GABBR2: variants seen among roughly 807,000 people sequenced by gnomAD.
GABBR2 encodes gamma-aminobutyric acid type B receptor subunit 2.
In GABBR2, 23 loss-of-function variants were observed where a neutral mutation model predicts 105.6. The ratio of observed to expected loss-of-function variants is 0.22; its 90% CI spans 0.16 to 0.31. The LOEUF (loss-of-function observed/expected upper bound fraction) is 0.31. Among genes scored for constraint, GABBR2 ranks in the 10% least tolerant of loss-of-function variants. GABBR2 has a pLI of 1.00. For synonymous variants in GABBR2, 478 were observed against 499.7 expected, an observed-to-expected ratio of 0.96 and a Z score of 0.58; for missense variants, 734 against 1,245.5, an observed-to-expected ratio of 0.59 and a Z score of 6.18.
At chr9:98,637,852 C>T (rs1413900881) in intron 1 of GABBR2, among the ~76,000 whole-genome samples, 2 of 152,162 alleles carry the variant, frequency 1.3e-5, no homozygotes, top group Non-Finnish European at 2.9e-5. Flanking sequence ...TTTGTTCAAG[C>T]CACTAAATTT....
chr9:98,463,280 A>G (rs1826457037), intron 6 of GABBR2, among the ~76,000 whole-genome samples: 1 of 152,234 alleles, frequency 6.6e-6, no homozygotes, highest in Admixed American at 6.5e-5. Flanking sequence ...TACACAATTC[A>G]TGGATTGGAA....
intron 1 of GABBR2, among the ~76,000 whole-genome samples, chr9:98,635,193 C>T (rs1274970649): frequency 6.6e-6 from 1 of 152,230 alleles, no homozygotes; most frequent in Non-Finnish European, 1.5e-5. Context: ...GCATACTGCT[C>T]TGCCTCTATT....
chr9:98,496,333 GCTCTTT>G, intron 4 of GABBR2, 74 bp downstream of exon 4: 1 of 884,300 alleles, frequency 1.1e-6, no homozygotes, highest in Admixed American at 1.7e-5. Flanking sequence ...CAAACTTGAG[GCTCTTT>G]CATAGTCAGG....
At chr9:98,318,702 GCTC>G (rs1489142613) in intron 13 of GABBR2, among the ~76,000 whole-genome samples, 3 of 152,208 alleles carry the variant, frequency 2.0e-5, no homozygotes, top group Non-Finnish European at 4.4e-5. Flanking sequence ...CCCGGCCAGT[GCTC>G]CTTTGAGGGA....
intron 1 of GABBR2, among the ~76,000 whole-genome samples, chr9:98,600,610 A>G (rs940427385): frequency 1.3e-5 from 2 of 152,280 alleles, no homozygotes; most frequent in African/African-American, 4.8e-5. Flanking sequence ...AGAAGGGCTC[A>G]GTAAACATCA....
chr9:98,707,405 G>C (rs540583517), intron 1 of GABBR2: 1 of 152,294 alleles, frequency 6.6e-6, no homozygotes. Context: ...CGGAGCACAG[G>C]GGCTCGCTCG....
chr9:98,646,140 G>A (rs976071145), intron 1 of GABBR2, among the ~76,000 whole-genome samples: 2 of 152,112 alleles, frequency 1.3e-5, no homozygotes, highest in African/African-American at 4.8e-5. Flanking sequence ...GGTATCTGGG[G>A]ACTTGGACTT....
intron 4 of GABBR2, among the ~76,000 whole-genome samples, chr9:98,492,694 G>A (rs1366365351): frequency 6.6e-6 from 1 of 152,102 alleles, no homozygotes. Context: ...GGGAGTATTG[G>A]TCAGGTATTT....
intron 3 of GABBR2, among the ~76,000 whole-genome samples, chr9:98,499,300 A>G (rs1564093877): frequency 6.6e-6 from 1 of 152,236 alleles, no homozygotes; most frequent in African/African-American, 2.4e-5. Context: ...AAACGAATAG[A>G]CAAAACACAC....
At chr9:98,612,411 G>A (rs555798665) in intron 1 of GABBR2, among the ~76,000 whole-genome samples, 5 of 152,326 alleles carry the variant, frequency 3.3e-5, no homozygotes, top group African/African-American at 1.2e-4. Context: ...GCTCACCTGT[G>A]TGACAGGCTG....
chr9:98,357,668 C>T lies in GABBR2; in HGVS notation c.1893+5047G>A, dbSNP rs10986000. Reference sequence around the variant, plus strand: ...AAACAAAACAAAACAGACAAACAAACAAAAAACAACAACAAAAAAAAAAAC... The same window carrying T: ...AAACAAAACAAAACAGACAAACAAATAAAAAACAACAACAAAAAAAAAAAC... On this transcript the variant is annotated intron_variant, in intron 13 of 18. Coordinates refer to ENST00000259455, the MANE Select transcript of GABBR2 (RefSeq NM_005458.8). 0.019 allele frequency among the ~76,000 whole-genome samples: 1,701 copies of T among 89,464 alleles called. 179 individuals carry two copies. The East Asian group carries it at 0.32, about 17-fold the overall frequency. The allele number at this position is 89,464 out of a possible 152,430, so 58.7% of individuals were successfully genotyped here. A position where few individuals can be genotyped will look rare whatever the true frequency, so the allele number is the denominator to read the frequency against.
At chr9:98,668,921 A>G (rs1830372831) in intron 1 of GABBR2, among the ~76,000 whole-genome samples, 1 of 149,254 alleles carries the variant, frequency 6.7e-6, no homozygotes, top group Non-Finnish European at 1.5e-5. Flanking sequence ...GTGTGTGTAC[A>G]CTAAATTTTG....
chr9:98,346,030 C>T (rs903269140), intron 13 of GABBR2, among the ~76,000 whole-genome samples: 3 of 152,214 alleles, frequency 2.0e-5, no homozygotes, highest in Non-Finnish European at 2.9e-5. Flanking sequence ...TCTGAGCCTT[C>T]AGTGAGTGGT....
At chr9:98,533,509 A>T (rs868197440) in intron 3 of GABBR2, among the ~76,000 whole-genome samples, 10 of 152,156 alleles carry the variant, frequency 6.6e-5, no homozygotes, top group South Asian at 2.1e-4. Context: ...GTCCCTAAGA[A>T]TCTGGCCTAA....
intron 1 of GABBR2, among the ~76,000 whole-genome samples, chr9:98,627,837 G>GA (rs1213174854): frequency 1.3e-5 from 2 of 152,172 alleles, no homozygotes; most frequent in African/African-American, 4.8e-5. Flanking sequence ...TTTGACCAAG[G>GA]AAAAAACTGA....
In GABBR2 at chr9:98,391,608, T is replaced by C. The variant is rs1448818537; in HGVS notation, c.1378+2567A>G. 2.0e-5 allele frequency among the ~76,000 whole-genome samples: 3 copies of C among 152,120 alleles called. No homozygotes were observed. In the East Asian group the frequency reaches 5.8e-4, roughly 29 times the overall value. On this transcript the variant is annotated intron_variant, in intron 9 of 18. Coordinates refer to ENST00000259455, the MANE Select transcript of GABBR2 (RefSeq NM_005458.8). The stretch of plus-strand genomic sequence containing the variant: ...GAGTCTCGAAGGATGAGTAGAGTAG[T>C]TGGCTGTTGGCCAGGAAGATGAGAA...
intron 13 of GABBR2, among the ~76,000 whole-genome samples, chr9:98,335,570 G>T (rs1273838123): frequency 6.6e-6 from 1 of 152,082 alleles, no homozygotes; most frequent in Admixed American, 6.6e-5. Flanking sequence ...AGATATTTTG[G>T]GGGGTGTGAC....
chr9:98,469,248 A>T (rs13440006), intron 6 of GABBR2, among the ~76,000 whole-genome samples: 9,706 of 152,220 alleles, frequency 0.064, 1,016 homozygotes, highest in African/African-American at 0.22. Context: ...GGAAAGTAAG[A>T]ACCTTCTTCA....
At chr9:98,705,173 C>T (rs991914545) in intron 1 of GABBR2, among the ~76,000 whole-genome samples, 5 of 152,158 alleles carry the variant, frequency 3.3e-5, no homozygotes, top group African/African-American at 1.2e-4. Flanking sequence ...CTTGCTTGTT[C>T]AAATCCTCAT....
Sources: allele counts gnomAD v4.1 joint callset (sites outside exome capture counted in the v4.1 genomes callset), GRCh38; gene constraint gnomAD v4.1.1; transcripts MANE v1.5; gene names NCBI Gene and HGNC (gene_info 2026-07-23, HGNC 2026-07-21).